CTDSPL2: variants seen among roughly 807,000 people sequenced by gnomAD.
CTDSPL2 encodes CTD small phosphatase-like protein 2.
CTDSPL2 carries 5 observed loss-of-function variants against 60.0 expected under a neutral mutation model. The observed-to-expected ratio is 0.08, with a 90% confidence interval of 0.04 to 0.18. The LOEUF is 0.18. CTDSPL2 is among the 10% of genes least tolerant of loss of function. The probability of loss-of-function intolerance (pLI) is 1.00; values close to 1 mark genes in which losing one functional copy is unlikely to be tolerated. For synonymous variants in CTDSPL2, 186 were observed against 189.3 expected (o/e 0.98, Z 0.14); for missense variants, 370 against 548.8 (o/e 0.67, Z 3.26).
In CTDSPL2 at chr15:44,525,195, C is replaced by T. The variant is rs541774729; in HGVS notation, c.*1021C>T. On this transcript the variant is annotated 3_prime_UTR_variant, in exon 13 of 13. Transcript: ENST00000260327. ...AGTTATTTTGCATGGGCTGGTAGTACCTCTGTTATGCTCTCAGTTACAATC... is the reference window on the plus strand; with the variant it reads ...AGTTATTTTGCATGGGCTGGTAGTATCTCTGTTATGCTCTCAGTTACAATC... 5.2e-6 allele frequency: 2 copies of T among 386,876 alleles called. No homozygotes were observed. The highest frequency in any genetic ancestry group is 1.5e-4 in the South Asian group (1 of 6,884). The allele number at this position is 386,876 out of a possible 1,614,324, so 24.0% of individuals were successfully genotyped here. A position where few individuals can be genotyped will look rare whatever the true frequency, so the allele number is the denominator to read the frequency against.
chr15:44,466,667 G>A (rs1386732251), intron 2 of CTDSPL2, among the ~76,000 whole-genome samples: 2 of 151,910 alleles, frequency 1.3e-5, no homozygotes, highest in African/African-American at 4.8e-5. Context: ...CTGATTGGCC[G>A]GGCGCGGTGG....
intron 8 of CTDSPL2, chr15:44,503,916 A>T (rs1002686935): frequency 4.6e-5 from 7 of 152,280 alleles, no homozygotes; most frequent in Non-Finnish European, 1.0e-4. Flanking sequence ...TTGTTTTATT[A>T]GTAGAGGTTG....
At chr15:44,462,699 A>ATTTTTTTTTTTTTTT (rs2080598003) in intron 2 of CTDSPL2, among the ~76,000 whole-genome samples, 1 of 117,298 alleles carries the variant, frequency 8.5e-6, no homozygotes, top group African/African-American at 3.8e-5. Context: ...AACACTCAGG[A>ATTTTTTTTTTTTTTT]CTTTTTTTTT....
intron 5 of CTDSPL2, 73 bp downstream of exon 5, chr15:44,491,072 T>C: frequency 1.7e-6 from 2 of 1,171,530 alleles, no homozygotes; most frequent in Non-Finnish European, 2.5e-6. Flanking sequence ...ATATTTTTTC[T>C]TAAATGAGCA....
chr15:44,525,235 T>A lies in CTDSPL2; in HGVS notation c.*1061T>A. Reference sequence around the variant, plus strand: ...CAGTTACAATCAATTTAAAACTGTATAACAGTCTTGGTACCTAACAGTAGC... The same window carrying A: ...CAGTTACAATCAATTTAAAACTGTAAAACAGTCTTGGTACCTAACAGTAGC... On this transcript the variant is annotated 3_prime_UTR_variant, in exon 13 of 13. Transcript: ENST00000260327. 1 of 395,354 alleles carries A rather than the reference T, an allele frequency of 2.5e-6. No individual in the cohort carries two copies. The highest frequency in any genetic ancestry group is 4.5e-6 in the Non-Finnish European group (1 of 223,980). 24.5% of individuals were successfully genotyped at this position (395,354 alleles called of 1,614,324 possible). A position where few individuals can be genotyped will look rare whatever the true frequency, so the allele number is the denominator to read the frequency against.
chr15:44,486,094 G>A (rs1389920778), intron 3 of CTDSPL2, among the ~76,000 whole-genome samples: 2 of 152,180 alleles, frequency 1.3e-5, no homozygotes, highest in Admixed American at 1.3e-4. Context: ...TTTTGCTTCA[G>A]TAGAGTTATG....
rs774669228 is a variant in CTDSPL2 at position 44,490,948 on chromosome 15, G to A, written c.640G>A (p.Gly214Ser). 4.3e-6 allele frequency: 7 copies of A among 1,614,104 alleles called. No homozygotes were observed. Among genetic ancestry groups the A allele is most frequent in the Non-Finnish European group, 5.9e-6 (7 of 1,180,006 alleles). ...TCAAGTGAGACCATCACTAAACAATGGTTTAGAAGAAGCAGAAGAAACAGT... is the reference window on the plus strand; with the variant it reads ...TCAAGTGAGACCATCACTAAACAATAGTTTAGAAGAAGCAGAAGAAACAGT... Reference protein sequence around the residue: ...AVQVRPSLNNGLEEAEETVNR... With the variant: ...AVQVRPSLNNSLEEAEETVNR... The change falls in exon 5 of 13, where the codon GGT becomes AGT. Residue 214 changes from glycine to serine, a missense_variant. Gly to Ser is a moderately conservative substitution (Grantham distance 56). Around this residue, in one of 6 missense-constraint regions of CTDSPL2, gnomAD observed 287 missense variants for 296.1 expected, o/e 0.97. Coordinates refer to ENST00000260327, the MANE Select transcript of CTDSPL2 (RefSeq NM_016396.3).
chr15:44,521,956 A>AAC (rs2081783122), intron 12 of CTDSPL2, among the ~76,000 whole-genome samples: 1 of 149,944 alleles, frequency 6.7e-6, no homozygotes, highest in Non-Finnish European at 1.5e-5. Flanking sequence ...AAAAAAAAAA[A>AAC]AAAAAAACAT....
chr15:44,477,364 C>A (rs779746209), intron 2 of CTDSPL2, among the ~76,000 whole-genome samples: 29 of 151,908 alleles, frequency 1.9e-4, no homozygotes, highest in Admixed American at 5.2e-4. Flanking sequence ...AAAACCCCGT[C>A]TCTACAAAAA....
intron 1 of CTDSPL2, among the ~76,000 whole-genome samples, chr15:44,456,690 A>G (rs1403434776): frequency 6.6e-6 from 1 of 151,688 alleles, no homozygotes; most frequent in Non-Finnish European, 1.5e-5. Flanking sequence ...TCAAAAAACC[A>G]GCTCCTGGAT....
chr15:44,503,612 A>T (rs1429982788), intron 8 of CTDSPL2: 21 of 152,234 alleles, frequency 1.4e-4, no homozygotes. Context: ...TTTTTTGAAG[A>T]TGTAATAGAA....
intron 10 of CTDSPL2, among the ~76,000 whole-genome samples, chr15:44,515,267 A>G (rs1162732100): frequency 1.3e-5 from 2 of 152,162 alleles, no homozygotes; most frequent in African/African-American, 4.8e-5. Context: ...CTTTTTTTGA[A>G]AGCAAATTTA....
At chr15:44,446,705 C>CAA (rs558280344) in intron 1 of CTDSPL2, among the ~76,000 whole-genome samples, 3 of 92,248 alleles carry the variant, frequency 3.3e-5, no homozygotes, top group South Asian at 3.2e-4. Context: ...AGGGAACAGG[C>CAA]AAAAAAAAAA....
intron 8 of CTDSPL2, among the ~76,000 whole-genome samples, chr15:44,509,782 C>T (rs775263306): frequency 3.0e-4 from 45 of 151,734 alleles, no homozygotes; most frequent in Admixed American, 8.5e-4. Flanking sequence ...AAAAATTAGC[C>T]GGTTGTGGTG....
intron 2 of CTDSPL2, 138 bp from the exon 3 acceptor site, chr15:44,484,086 C>T: frequency 1.4e-6 from 1 of 694,866 alleles, no homozygotes; most frequent in South Asian, 2.3e-5. Flanking sequence ...GTTGATATTA[C>T]CTATAATTGC....
intron 1 of CTDSPL2, among the ~76,000 whole-genome samples, chr15:44,457,402 T>C (rs1416206197): frequency 6.6e-6 from 1 of 152,222 alleles, no homozygotes; most frequent in African/African-American, 2.4e-5. Context: ...GCTTCTTTCC[T>C]TAAACCTCAT....
At chr15:44,489,017 G>A (rs753685337) in intron 4 of CTDSPL2, among the ~76,000 whole-genome samples, 1 of 152,064 alleles carries the variant, frequency 6.6e-6, no homozygotes, top group Non-Finnish European at 1.5e-5. Flanking sequence ...TAGTGGAAGG[G>A]ACTTGGGAAG....
intron 2 of CTDSPL2, among the ~76,000 whole-genome samples, chr15:44,464,735 C>T (rs760996693): frequency 1.3e-5 from 2 of 152,066 alleles, no homozygotes; most frequent in African/African-American, 2.4e-5. Flanking sequence ...GAGACAGAGT[C>T]TCTCTCTGTC....
chr15:44,440,856 G>A (rs1195112693), intron 1 of CTDSPL2, among the ~76,000 whole-genome samples: 1 of 152,186 alleles, frequency 6.6e-6, no homozygotes, highest in Admixed American at 6.5e-5. Context: ...AGTTGAGTCA[G>A]TGTACTCAGG....
Sources: gnomAD v4.1 joint callset for allele counts (sites outside exome capture counted in the v4.1 genomes callset) on GRCh38, gnomAD v4.1.1 for gene constraint, gnomAD v4.1.1 regional missense constraint, MANE v1.5 for transcripts, NCBI Gene and HGNC (gene_info 2026-07-23, HGNC 2026-07-21) for gene names.